ADAT2: variants seen among roughly 807,000 people sequenced by gnomAD.
The protein encoded by ADAT2 is adenosine deaminase tRNA specific 2.
In ADAT2, 26 loss-of-function variants were observed where a neutral mutation model predicts 25.9. The ratio of observed to expected loss-of-function variants is 1.00; its 90% CI spans 0.74 to 1.39. The LOEUF (loss-of-function observed/expected upper bound fraction) is 1.39. ADAT2 is among the 40% of genes most tolerant of loss of function. The pLI is 0.00. For synonymous variants in ADAT2, 76 were observed against 86.8 expected, an observed-to-expected ratio of 0.88 and a Z score of 0.69; for missense variants, 220 against 244.8, an observed-to-expected ratio of 0.90 and a Z score of 0.68.
In ADAT2 at chr6:143,438,661, C is replaced by G. The variant is rs369619157; in HGVS notation, c.130G>C (p.Val44Leu). The G allele has an allele frequency of 7.4e-6, 12 of 1,613,370 alleles. No individual in the cohort carries two copies. The Admixed American group carries it at 1.2e-4, about 16-fold the overall frequency. The change falls in exon 2 of 6, where the codon GTT becomes CTT. Residue 44 changes from valine (V) to leucine (L), a missense_variant. Physicochemically the swap from Val to Leu is conservative, Grantham distance 32 (BLOSUM62 1). Transcript: ENST00000237283. ...TTGTTGTAGACCATAAGACAGCCAA[C>G]AGGAACTTCAGTATTTTCGAGGGCT... ...KEALENTEVP[V>L]GCLMVYNNEV...
Position 143,440,265 on chromosome 6 carries a change from G to A in ADAT2, c.97-1571C>T, listed in dbSNP as rs1038594534. ...GTGCAGGTACTTACACACATCATAG[G>A]GCATATAAAGTGCAAAGTTGAAGGC... is the stretch of plus-strand genomic sequence containing the variant. On this transcript the variant is annotated intron_variant, in intron 1 of 5. Coordinates refer to ENST00000237283, the MANE Select transcript of ADAT2 (RefSeq NM_182503.3). This position sits in a 1 kb window ranked among gnomAD's most constrained non-coding sequence, Gnocchi z 4.5. Among the ~76,000 whole-genome samples, 7 of 152,108 alleles carry A rather than the reference G, an allele frequency of 4.6e-5. No homozygotes were observed. The highest frequency in any genetic ancestry group is 1.7e-4 in the African/African-American group (7 of 41,406).
rs559113284 is a variant in ADAT2, at chr6:143,440,765, A to G, written c.97-2071T>C. ...GACAGTTAAGGAGAATGGAAATGCTAACTACCAGTGTAGCTATGGCAATTA... is the reference window on the plus strand; with the variant it reads ...GACAGTTAAGGAGAATGGAAATGCTGACTACCAGTGTAGCTATGGCAATTA... On this transcript the variant is annotated intron_variant, in intron 1 of 5. Coordinates refer to ENST00000237283, the MANE Select transcript of ADAT2 (RefSeq NM_182503.3). The surrounding 1 kb of genome is among the most constrained non-coding windows in gnomAD (Gnocchi z 4.5). Among the ~76,000 whole-genome samples, 1 of 152,348 alleles carries G rather than the reference A, an allele frequency of 6.6e-6. No individual in the cohort carries two copies. Among genetic ancestry groups the G allele is most frequent in the African/African-American group, 2.4e-5 (1 of 41,580 alleles).
At position 143,428,428 on chromosome 6, in the gene ADAT2, A is replaced by C; in HGVS notation, c.*35T>G. Reference sequence around the variant, plus strand: ...TCAGTCTATGAATCTTGTCCAGGTCACTTTGGGTCACTTGGTTCTTTCATC... The same window carrying C: ...TCAGTCTATGAATCTTGTCCAGGTCCCTTTGGGTCACTTGGTTCTTTCATC... On this transcript the variant is annotated 3_prime_UTR_variant, in exon 6 of 6. Transcript: ENST00000237283. This position sits in a 1 kb window ranked among gnomAD's most constrained non-coding sequence, Gnocchi z 5.0. The C allele has an allele frequency of 1.2e-6, 2 of 1,606,856 alleles. No homozygotes were observed. The highest frequency in any genetic ancestry group is 1.1e-5 in the South Asian group (1 of 90,440).
In ADAT2 at chr6:143,450,588, T is replaced by A; in HGVS notation, c.71A>T (p.Lys24Met). ...ACSVSAEETE[K>M]WMEEAMHMAK... ...CATGTGCATCGCCTCCTCCATCCACTTTTCGGTCTCCTCTGCCGACACCGA... is the reference window on the plus strand; with the variant it reads ...CATGTGCATCGCCTCCTCCATCCACATTTCGGTCTCCTCTGCCGACACCGA... The change falls in exon 1 of 6, where the codon AAG (lysine) becomes ATG (methionine). Residue 24 changes from lysine to methionine, a missense_variant. Lys to Met is a moderately conservative substitution (Grantham distance 95). Coordinates refer to ENST00000237283, the MANE Select transcript of ADAT2 (RefSeq NM_182503.3). 1 of 1,614,040 alleles carries A rather than the reference T, an allele frequency of 6.2e-7. No homozygotes were observed. The highest frequency in any genetic ancestry group is 8.5e-7 in the Non-Finnish European group (1 of 1,180,020).
At chr6:143,435,099 G>A (rs1406247459) in intron 2 of ADAT2, among the ~76,000 whole-genome samples, 2 of 145,814 alleles carry the variant, frequency 1.4e-5, no homozygotes, top group Non-Finnish European at 3.0e-5. Context: ...AGAGATGGAA[G>A]GTACTTTACA....
chr6:143,430,852 A>G (rs1779092805), intron 4 of ADAT2, among the ~76,000 whole-genome samples: 1 of 152,238 alleles, frequency 6.6e-6, no homozygotes, highest in Non-Finnish European at 1.5e-5. Flanking sequence ...GGCATGAGCC[A>G]CTGCACCCAG....
At position 143,446,666 on chromosome 6, in the gene ADAT2, A is replaced by G. The variant is rs1423952822; in HGVS notation, c.96+3897T>C. Among the ~76,000 whole-genome samples the G allele has an allele frequency of 6.6e-6, 1 of 152,140 alleles. No homozygotes were observed. Among genetic ancestry groups the G allele is most frequent in the African/African-American group, 2.4e-5 (1 of 41,416 alleles). ...GAAAGAGAGCAGAGGATATGTTGGCAAGCAGTGAGCTACCTAACACCGAGA... is the reference window on the plus strand; with the variant it reads ...GAAAGAGAGCAGAGGATATGTTGGCGAGCAGTGAGCTACCTAACACCGAGA... On this transcript the variant is annotated intron_variant, in intron 1 of 5. Coordinates refer to ENST00000237283, the MANE Select transcript of ADAT2 (RefSeq NM_182503.3). The surrounding 1 kb of genome is among the most constrained non-coding windows in gnomAD (Gnocchi z 5.0).
intron 1 of ADAT2, among the ~76,000 whole-genome samples, chr6:143,448,546 A>C (rs893982051): frequency 1.0e-4 from 9 of 89,308 alleles, no homozygotes; most frequent in Non-Finnish European, 2.4e-4. Flanking sequence ...CCCAACCAAC[A>C]AACACCTCAA....
intron 2 of ADAT2, among the ~76,000 whole-genome samples, chr6:143,435,370 T>G (rs969365686): frequency 6.7e-6 from 1 of 149,910 alleles, no homozygotes; most frequent in African/African-American, 2.5e-5. Context: ...TGGTGGCGAC[T>G]GGGTAGTGGT....
rs2128743568 is a variant in ADAT2, at chr6:143,444,802, A to G, written c.96+5761T>C. On this transcript the variant is annotated intron_variant, in intron 1 of 5. Coordinates refer to ENST00000237283, the MANE Select transcript of ADAT2 (RefSeq NM_182503.3). The surrounding 1 kb of genome is among the most constrained non-coding windows in gnomAD (Gnocchi z 4.3). Reference sequence around the variant, plus strand: ...TTTTTTCTCTAGTCAGGGCCTGCCCAGATACAGATAATGAAAGCACCTAGA... The same window carrying G: ...TTTTTTCTCTAGTCAGGGCCTGCCCGGATACAGATAATGAAAGCACCTAGA... 3.6e-6 allele frequency: 2 copies of G among 551,908 alleles called. No homozygotes were observed. The highest frequency in any genetic ancestry group is 5.9e-5 in the South Asian group (2 of 33,684). The allele number at this position is 551,908 out of a possible 1,614,324, so 34.2% of individuals were successfully genotyped here.
rs1003393640 is a variant in ADAT2 at position 143,422,865 on chromosome 6, C to T, written c.*5598G>A. Reference sequence around the variant, plus strand: ...AATAAAATGTATTATTTATTCTAAACCCAAATAAAATGATACATTATCTTT... The same window carrying T: ...AATAAAATGTATTATTTATTCTAAATCCAAATAAAATGATACATTATCTTT... On this transcript the variant is annotated 3_prime_UTR_variant, in exon 6 of 6. Coordinates refer to ENST00000237283, the MANE Select transcript of ADAT2 (RefSeq NM_182503.3). The surrounding 1 kb of genome is among the most constrained non-coding windows in gnomAD (Gnocchi z 4.3). The T allele has an allele frequency of 1.3e-5, 2 of 152,106 alleles. No homozygotes were observed. The highest frequency in any genetic ancestry group is 4.8e-5 in the African/African-American group (2 of 41,408). The allele number at this position is 152,106 out of a possible 1,614,324, so 9.4% of individuals were successfully genotyped here.
At chr6:143,435,113 G>A (rs1779229874) in intron 2 of ADAT2, among the ~76,000 whole-genome samples, 1 of 140,286 alleles carries the variant, frequency 7.1e-6, no homozygotes, top group African/African-American at 2.6e-5. Flanking sequence ...CTTTACAGAA[G>A]AGGTTCCCAA....
At chr6:143,435,157 TA>T (rs1554278578) in intron 2 of ADAT2, among the ~76,000 whole-genome samples, 680 of 122,030 alleles carry the variant, frequency 5.6e-3, no homozygotes, top group Middle Eastern at 0.013. Context: ...GTGGAGAGTT[TA>T]AAAAAAAAAA....
intron 4 of ADAT2, among the ~76,000 whole-genome samples, chr6:143,429,354 GATTTTAAAA>G (rs1322782734): frequency 1.3e-5 from 2 of 152,144 alleles, no homozygotes; most frequent in African/African-American, 4.8e-5. Context: ...TGCTACAGAG[GATTTTAAAA>G]AATAAAATAC....
chr6:143,443,013 A>G (rs1376262632), intron 1 of ADAT2, among the ~76,000 whole-genome samples: 1 of 152,216 alleles, frequency 6.6e-6, no homozygotes, highest in Non-Finnish European at 1.5e-5. Flanking sequence ...GAGCTTGAAC[A>G]TAAGAGCTTA....
rs1779274125 is a variant in ADAT2 at position 143,436,194 on chromosome 6, A to G, written c.202-2213T>C. ...TTGAAATTTTAAAAAGGTATTTCAA[A>G]ATGAGCATTTAAACAACAAAGAAGG... On this transcript the variant is annotated intron_variant, in intron 2 of 5. Coordinates refer to ENST00000237283, the MANE Select transcript of ADAT2 (RefSeq NM_182503.3). This position sits in a 1 kb window ranked among gnomAD's most constrained non-coding sequence, Gnocchi z 4.1. 1 of 187,858 alleles carries G rather than the reference A, an allele frequency of 5.3e-6. No homozygotes were observed. The highest frequency in any genetic ancestry group is 5.1e-5 in the Admixed American group (1 of 19,460). The allele number at this position is 187,858 out of a possible 1,614,324, so 11.6% of individuals were successfully genotyped here. A position where few individuals can be genotyped will look rare whatever the true frequency, so the allele number is the denominator to read the frequency against.
At position 143,424,487 on chromosome 6, in the gene ADAT2, C is replaced by T. The variant is rs1386072240; in HGVS notation, c.*3976G>A. 3.9e-5 allele frequency: 6 copies of T among 152,144 alleles called. No homozygotes were observed. The highest frequency in any genetic ancestry group is 8.8e-5 in the Non-Finnish European group (6 of 68,026). The allele number at this position is 152,144 out of a possible 1,614,324, so 9.4% of individuals were successfully genotyped here. ...TTAAGTCTAGATGTCTCTATGGAAACCCAAGATAACTCATATTTTATGACC... is the reference window on the plus strand; with the variant it reads ...TTAAGTCTAGATGTCTCTATGGAAATCCAAGATAACTCATATTTTATGACC... On this transcript the variant is annotated 3_prime_UTR_variant, in exon 6 of 6. Transcript: ENST00000237283. This position sits in a 1 kb window ranked among gnomAD's most constrained non-coding sequence, Gnocchi z 4.8.
chr6:143,424,114 A>G lies in ADAT2; in HGVS notation c.*4349T>C, dbSNP rs1778860932. ...ATCCTAAAGATGTCAAACTTTCAGC[A>G]GAACTCACCAGTCTAATCCATAAAA... On this transcript the variant is annotated 3_prime_UTR_variant, in exon 6 of 6. Coordinates refer to ENST00000237283, the MANE Select transcript of ADAT2 (RefSeq NM_182503.3). The surrounding 1 kb of genome is among the most constrained non-coding windows in gnomAD (Gnocchi z 4.8). 1 of 104,594 alleles carries G rather than the reference A, an allele frequency of 9.6e-6. No homozygotes were observed. The highest frequency in any genetic ancestry group is 2.0e-4 in the East Asian group (1 of 4,950). The allele number at this position is 104,594 out of a possible 1,614,324, so 6.5% of individuals were successfully genotyped here.
At chr6:143,441,484 G>C (rs376444210) in intron 1 of ADAT2, 3 of 152,428 alleles carry the variant, frequency 2.0e-5, no homozygotes, top group Non-Finnish European at 2.9e-5. Flanking sequence ...TCTGCTTCCA[G>C]TGAGGGCCTC....
Sources: gnomAD v4.1 joint callset for allele counts (sites outside exome capture counted in the v4.1 genomes callset) on GRCh38, gnomAD v4.1.1 for gene constraint, Gnocchi (gnomAD v3.1) non-coding constraint, MANE v1.5 for transcripts, NCBI Gene and HGNC (gene_info 2026-07-23, HGNC 2026-07-21) for gene names.